Variants in HIPK3 observed in about 807,000 individuals in gnomAD.
HIPK3 encodes homeodomain-interacting protein kinase 3.
In HIPK3, 47 loss-of-function variants were observed where a neutral mutation model predicts 124.2. That is an observed-to-expected ratio of 0.38 (90% CI 0.30 to 0.48). The LOEUF (loss-of-function observed/expected upper bound fraction) is 0.48, where lower values mean the gene tolerates loss of function less well. HIPK3 is among the 20% of genes least tolerant of loss of function. The pLI is 0.98. For synonymous variants in HIPK3, 482 were observed against 515.2 expected (o/e 0.94, Z 0.87); for missense variants, 1,286 against 1,454.3 (o/e 0.88, Z 1.88).
chr11:33,309,415 A>T (rs1023003645), intron 2 of HIPK3, among the ~76,000 whole-genome samples: 1 of 152,206 alleles, frequency 6.6e-6, no homozygotes, highest in African/African-American at 2.4e-5. Flanking sequence ...ACCCAGCCCA[A>T]ACTTGCTTAG....
intron 1 of HIPK3, among the ~76,000 whole-genome samples, chr11:33,281,741 T>G (rs79909591): frequency 6.6e-6 from 1 of 152,192 alleles, no homozygotes; most frequent in Non-Finnish European, 1.5e-5. Context: ...GAAATCTTGC[T>G]TTTTTTCAGG....
At position 33,293,886 on chromosome 11, in the gene HIPK3, G is replaced by T. The variant is rs549437348; in HGVS notation, c.1097+6375G>T. Reference sequence around the variant, plus strand: ...AGAACAAAAAAAAGTAGTTGGAGAGGCTGAGTGCCGTGGCTCACACCTGTA... The same window carrying T: ...AGAACAAAAAAAAGTAGTTGGAGAGTCTGAGTGCCGTGGCTCACACCTGTA... On this transcript the variant is annotated intron_variant, in intron 2 of 16. Coordinates refer to ENST00000303296, the MANE Select transcript of HIPK3 (RefSeq NM_005734.5). Among the ~76,000 whole-genome samples the T allele has an allele frequency of 2.0e-4, 31 of 152,236 alleles. 1 individual carries two copies. The highest frequency in any genetic ancestry group is 6.7e-4 in the African/African-American group (28 of 41,550).
intron 16 of HIPK3, 90 bp downstream of exon 16, chr11:33,352,355 G>A: frequency 7.3e-7 from 1 of 1,378,028 alleles, no homozygotes; most frequent in Non-Finnish European, 1.0e-6. Flanking sequence ...GAAACTGTAT[G>A]TAGTGTTAAT....
chr11:33,308,799 A>C (rs1340633994), intron 2 of HIPK3, among the ~76,000 whole-genome samples: 1 of 141,392 alleles, frequency 7.1e-6, no homozygotes, highest in Non-Finnish European at 1.5e-5. Flanking sequence ...TTTTAGTTCT[A>C]TATATATAAG....
intron 14 of HIPK3, among the ~76,000 whole-genome samples, chr11:33,350,494 C>T (rs895137766): frequency 3.0e-4 from 46 of 151,380 alleles, no homozygotes; most frequent in African/African-American, 1.1e-3. Context: ...TAGTGAGACC[C>T]CGCCTCTACC....
At chr11:33,266,222 T>C (rs1565052457) in intron 1 of HIPK3, among the ~76,000 whole-genome samples, 1 of 151,926 alleles carries the variant, frequency 6.6e-6, no homozygotes, top group Non-Finnish European at 1.5e-5. Flanking sequence ...AATTTTCTTT[T>C]ATATTTGTAT....
chr11:33,338,787 A>G lies in HIPK3; in HGVS notation c.1372A>G (p.Met458Val). 4 of 1,612,538 alleles carry G rather than the reference A, an allele frequency of 2.5e-6. No homozygotes were observed. The highest frequency in any genetic ancestry group is 3.4e-6 in the Non-Finnish European group (4 of 1,178,826). The change falls in exon 5 of 17, where the codon ATG becomes GTG. Residue 458 changes from methionine to valine, a missense_variant. This residue lies in a region of HIPK3 where 251 missense variants were observed against 349.1 expected (regional missense o/e 0.72). Coordinates refer to ENST00000303296, the MANE Select transcript of HIPK3 (RefSeq NM_005734.5). ...TLEEHEAETG[M>V]KSKEARKYIF... ...GGAAGAGCATGAGGCAGAGACAGGA[A>G]TGAAGTCTAAAGAAGCCAGAAAATA...
At chr11:33,330,870 G>GTTTTTCT (rs1413580959) in intron 3 of HIPK3, among the ~76,000 whole-genome samples, 8 of 146,624 alleles carry the variant, frequency 5.5e-5, no homozygotes, top group Non-Finnish European at 1.2e-4. Context: ...GTTCACATAT[G>GTTTTTCT]TTTTTCTTTT....
At chr11:33,320,108 T>C (rs1239402898) in intron 2 of HIPK3, among the ~76,000 whole-genome samples, 1 of 152,228 alleles carries the variant, frequency 6.6e-6, no homozygotes, top group Non-Finnish European at 1.5e-5. Flanking sequence ...GTAAGGAGAC[T>C]AATGTGGCTG....
At chr11:33,295,283 C>CT (rs1554963988) in intron 2 of HIPK3, among the ~76,000 whole-genome samples, 1 of 149,102 alleles carries the variant, frequency 6.7e-6, no homozygotes, top group African/African-American at 2.5e-5. Flanking sequence ...CACCGCCCCC[C>CT]CCCCACAACT....
Position 33,353,171 on chromosome 11 carries a change from G to C in HIPK3, c.3251G>C (p.Ser1084Thr). The C allele has an allele frequency of 6.2e-7, 1 of 1,613,768 alleles. No homozygotes were observed. Among genetic ancestry groups the C allele is most frequent in the South Asian group, 1.1e-5 (1 of 91,072 alleles). ...AGACAGCAAGCTTATATTCCTACTA[G>C]TGTTACCAGTAATCCATTCACTCTT... ...HRRQQAYIPT[S>T]VTSNPFTLSH... Residue 1084 changes from serine (S) to threonine (T), a missense_variant, in exon 17 of 17, where the codon AGT becomes ACT. Ser to Thr is a moderately conservative substitution (Grantham distance 58). Transcript: ENST00000303296.
intron 8 of HIPK3, among the ~76,000 whole-genome samples, chr11:33,345,861 C>G (rs1410400026): frequency 1.3e-5 from 2 of 152,080 alleles, no homozygotes; most frequent in African/African-American, 4.8e-5. Context: ...AATGGACATT[C>G]TCTTTAGGAT....
intron 2 of HIPK3, among the ~76,000 whole-genome samples, chr11:33,321,003 C>T (rs1450211246): frequency 6.6e-6 from 1 of 152,052 alleles, no homozygotes; most frequent in African/African-American, 2.4e-5. Flanking sequence ...GGTTAGTGCA[C>T]ATAGAGAGGA....
intron 15 of HIPK3, 45 bp from the exon 16 acceptor site, chr11:33,352,093 G>T: frequency 6.4e-7 from 1 of 1,563,090 alleles, no homozygotes; most frequent in South Asian, 1.1e-5. Flanking sequence ...TTTTTTATTT[G>T]AAAAGGAAAA....
intron 1 of HIPK3, among the ~76,000 whole-genome samples, chr11:33,268,670 G>A (rs1851043162): frequency 6.6e-6 from 1 of 150,502 alleles, no homozygotes. Flanking sequence ...ATGATTAATT[G>A]CCAGTAGCCT....
chr11:33,258,336 T>A, intron 1 of HIPK3: 1 of 985,328 alleles, frequency 1.0e-6, no homozygotes, highest in Non-Finnish European at 1.2e-6. Flanking sequence ...TTCCTTTCAT[T>A]AAGGGGAACA....
chr11:33,348,674 T>C lies in HIPK3; in HGVS notation c.2522T>C (p.Ile841Thr), dbSNP rs1853569723. 6.2e-7 allele frequency: 1 copy of C among 1,613,988 alleles called. No homozygotes were observed. The highest frequency in any genetic ancestry group is 1.7e-5 in the Admixed American group (1 of 59,996). Residue 841 changes from isoleucine (I) to threonine (T), a missense_variant, in exon 13 of 17, where the codon ATC becomes ACC. By Grantham distance (89) the Ile-to-Thr change is moderately conservative. Transcript: ENST00000303296. Reference sequence around the variant, plus strand: ...GCAAGAAATTGCTGTGAAACATCTATCAGACAGGACTCTGATTCATCAGTT... The same window carrying C: ...GCAAGAAATTGCTGTGAAACATCTACCAGACAGGACTCTGATTCATCAGTT... ...GEARNCCETSIRQDSDSSVSD... is the reference protein window; with the variant it reads ...GEARNCCETSTRQDSDSSVSD...
chr11:33,333,426 C>A (rs1030589276), intron 3 of HIPK3, among the ~76,000 whole-genome samples: 1 of 152,154 alleles, frequency 6.6e-6, no homozygotes, highest in African/African-American at 2.4e-5. Context: ...TTTAGCTCAT[C>A]CCCCAAGAGT....
rs67183549 is a variant in HIPK3, at chr11:33,310,228, TTGTCTGTC to T, written c.1098-18240_1098-18233del. On this transcript the variant is annotated intron_variant, in intron 2 of 16. Coordinates refer to ENST00000303296, the MANE Select transcript of HIPK3 (RefSeq NM_005734.5). ...ACTGTGGCTGGCTGGCTGGCTATCT[TTGTCTGTC>T]TGTCTGTCTGTCTGTCTGTCTGTCT... 4.5e-3 allele frequency among the ~76,000 whole-genome samples: 655 copies of T among 146,518 alleles called. 4 individuals carry two copies. The highest frequency in any genetic ancestry group is 7.8e-3 in the African/African-American group (299 of 38,484).
Sources: gnomAD v4.1 joint callset for allele counts (sites outside exome capture counted in the v4.1 genomes callset) on GRCh38, gnomAD v4.1.1 for gene constraint, gnomAD v4.1.1 regional missense constraint, MANE v1.5 for transcripts, NCBI Gene and HGNC (gene_info 2026-07-23, HGNC 2026-07-21) for gene names.